Variants in ZAN observed in about 807,000 individuals in gnomAD.
The protein encoded by ZAN is zonadhesin (gene/pseudogene).
ZAN carries 260 observed loss-of-function variants against 286.2 expected under a neutral mutation model. That is an observed-to-expected ratio of 0.91 (90% CI 0.82 to 1.01). The LOEUF is 1.01. Ranked by LOEUF, ZAN falls within the 50% of genes least tolerant of loss-of-function variation. ZAN has a pLI of 0.00. For synonymous variants in ZAN, 1,368 were observed against 1,417.5 expected, an observed-to-expected ratio of 0.97 and a Z score of 0.79; for missense variants, 3,410 against 3,639.2, an observed-to-expected ratio of 0.94 and a Z score of 1.62.
At position 100,751,798 on chromosome 7, in the gene ZAN, A is replaced by G; in HGVS notation, c.1693A>G (p.Ile565Val). 6.2e-7 allele frequency: 1 copy of G among 1,613,286 alleles called. No homozygotes were observed. The stretch of plus-strand genomic sequence containing the variant: ...CACTGGCCTCACAGAAAACCCTACA[A>G]TCTCCACCAAGAAACCTACAGTTTC... ...ETTGLTENPT[I>V]STKKPTVSIE... The change falls in exon 14 of 48, where the codon ATC becomes GTC. Residue 565 changes from isoleucine to valine, a missense_variant. Around this residue, in one of 7 missense-constraint regions of ZAN, gnomAD observed 872 missense variants for 938.9 expected, o/e 0.93. Transcript: ENST00000613979.
rs1325516423 is a variant in ZAN at position 100,775,655 on chromosome 7, GTCC to G, written c.6028-9_6028-7del. 1.2e-5 allele frequency: 19 copies of G among 1,613,652 alleles called. No homozygotes were observed. Among genetic ancestry groups the G allele is most frequent in the East Asian group, 6.7e-5 (3 of 44,856 alleles). On this transcript the variant is annotated splice_polypyrimidine_tract_variant and intron_variant, in intron 32 of 47. Coordinates refer to ENST00000613979, the MANE Select transcript of ZAN (RefSeq NM_003386.3). ...GTCCCTGCTCCTACTCACCGTCACT[GTCC>G]TCCTGTTTAGATCAACAGCAAACAG...
At position 100,753,075 on chromosome 7, in the gene ZAN, C is replaced by T. The variant is rs375465453; in HGVS notation, c.2970C>T (p.Pro990=). The T allele has an allele frequency of 3.7e-6, 6 of 1,613,888 alleles. No homozygotes were observed. The highest frequency in any genetic ancestry group is 3.3e-5 in the South Asian group (3 of 91,094). Residue 990 remains proline (P), a synonymous_variant, in exon 14 of 48, where the codon CCC becomes CCT. Coordinates refer to ENST00000613979, the MANE Select transcript of ZAN (RefSeq NM_003386.3). ...AACCCACCATCCCCACAGAAAAACC[C>T]ACCATTCCCACAGAGAAGCTCACAG... The part of the protein sequence containing the change: ...TEKPTIPTEK[P]TIPTEKLTAL...
Position 100,740,152 on chromosome 7 carries a change from A to C in ZAN, c.766+1539A>C. On this transcript the variant is annotated intron_variant, in intron 7 of 47. Transcript: ENST00000613979. ...CACAGCAAAGAGCCATGTGGCCAGCATGAAGAGGGTGACCTGAGATCCACA... is the reference window on the plus strand; with the variant it reads ...CACAGCAAAGAGCCATGTGGCCAGCCTGAAGAGGGTGACCTGAGATCCACA... 1.4e-5 allele frequency among the ~76,000 whole-genome samples: 2 copies of C among 141,014 alleles called. 1 individual carries two copies. The allele number at this position is 141,014 out of a possible 152,430, so 92.5% of individuals were successfully genotyped here.
intron 34 of ZAN, among the ~76,000 whole-genome samples, chr7:100,777,214 T>C (rs1407903457): frequency 6.7e-6 from 1 of 149,738 alleles, no homozygotes; most frequent in East Asian, 2.0e-4. Flanking sequence ...TGGCTACTTT[T>C]TGTAGTTTTT....
At chr7:100,759,967 T>A (rs1342479688) in intron 18 of ZAN, 122 bp downstream of exon 18, 11 of 1,400,626 alleles carry the variant, frequency 7.9e-6, no homozygotes, top group Non-Finnish European at 9.4e-6. Flanking sequence ...CAATCCCAGC[T>A]CCTTGGGAGG....
intron 8 of ZAN, 33 bp from the exon 9 acceptor site, chr7:100,747,517 G>T: frequency 6.2e-7 from 1 of 1,601,226 alleles, no homozygotes; most frequent in Non-Finnish European, 8.6e-7. Flanking sequence ...GTCCCCTTAA[G>T]CTCACTTCTC....
rs535530460 is a variant in ZAN at position 100,791,961 on chromosome 7, T to C, written c.7530-5T>C. On this transcript the variant is annotated splice_region_variant and splice_polypyrimidine_tract_variant and intron_variant, in intron 40 of 47. Coordinates refer to ENST00000613979, the MANE Select transcript of ZAN (RefSeq NM_003386.3). ...CACCTGACCCCGTGGCTGTCTCTAC[T>C]GCAGGGCTATACCAGCGGAGGAGGA... The C allele has an allele frequency of 1.4e-4, 230 of 1,610,090 alleles. 5 individuals are homozygous for C. In the South Asian group the frequency reaches 2.4e-3, roughly 17 times the overall value.
chr7:100,736,990 C>A lies in ZAN; in HGVS notation c.435C>A (p.Pro145=). 6.7e-7 allele frequency: 1 copy of A among 1,502,638 alleles called. No individual in the cohort carries two copies. The highest frequency in any genetic ancestry group is 9.1e-7 in the Non-Finnish European group (1 of 1,097,716). The allele number at this position is 1,502,638 out of a possible 1,614,324, so 93.1% of individuals were successfully genotyped here. The change falls in exon 5 of 48, where the codon CCC becomes CCA. Residue 145 remains proline, a synonymous_variant. Coordinates refer to ENST00000613979, the MANE Select transcript of ZAN (RefSeq NM_003386.3). ...TCTCGGGTGAAGAGGGCCGCCGCCC[C>A]GATGTGCTCTGGAAACACTGGAACA... is the stretch of plus-strand genomic sequence containing the variant. ...LLLSGEEGRR[P]DVLWKHWNTQ... is the part of the protein sequence containing the mutation.
chr7:100,750,888 C>T lies in ZAN; in HGVS notation c.1513C>T (p.Pro505Ser), dbSNP rs745657229. The change falls in exon 12 of 48, where the codon CCC (proline) becomes TCC (serine). Residue 505 changes from proline to serine, a missense_variant. Pro to Ser is a moderately conservative substitution (Grantham distance 74). This residue lies in a region of ZAN where 872 missense variants were observed against 938.9 expected (regional missense o/e 0.93). Transcript: ENST00000613979. ...SVTVPSGHQQ[P>S]MQLIFKGIQG... ...CACCGTCCCCTCAGGACACCAACAG[C>T]CCATGCAGGTGAGAGACGGAGGCGG... is the stretch of plus-strand genomic sequence containing the variant. 5.2e-6 allele frequency: 8 copies of T among 1,545,718 alleles called. No individual in the cohort carries two copies. The highest frequency in any genetic ancestry group is 7.0e-6 in the Non-Finnish European group (8 of 1,144,332).
chr7:100,764,332 T>C, intron 22 of ZAN, 136 bp downstream of exon 22: 1 of 1,104,982 alleles, frequency 9.0e-7, no homozygotes, highest in South Asian at 1.9e-5. Context: ...CCGTCTCTAC[T>C]AAACATACCA....
In ZAN at chr7:100,746,993, A is replaced by C. The variant is rs2115746597; in HGVS notation, c.931+291A>C. On this transcript the variant is annotated intron_variant, in intron 8 of 47. Coordinates refer to ENST00000613979, the MANE Select transcript of ZAN (RefSeq NM_003386.3). ...CAGCTACACGGGAGGCTGAGGCAGG[A>C]GAATCGCTTGAACCCGGGAGGCGGA... is the stretch of plus-strand genomic sequence containing the variant. 2.0e-5 allele frequency among the ~76,000 whole-genome samples: 3 copies of C among 152,284 alleles called. No homozygotes were observed. The Middle Eastern group carries it at 0.01, about 518-fold the overall frequency.
chr7:100,766,275 CCA>C (rs533339591), intron 23 of ZAN, among the ~76,000 whole-genome samples: 331 of 152,326 alleles, frequency 2.2e-3, no homozygotes, highest in Non-Finnish European at 3.5e-3. Context: ...GCGTGAGCCG[CCA>C]CACCTGGCCT....
chr7:100,745,472 G>C (rs1306679830), intron 7 of ZAN, among the ~76,000 whole-genome samples: 1 of 151,754 alleles, frequency 6.6e-6, no homozygotes, highest in Non-Finnish European at 1.5e-5. Flanking sequence ...CTGATTGGCT[G>C]TCTGAGCTGG....
At chr7:100,758,384 T>C (rs766698566) in intron 16 of ZAN, 41 bp downstream of exon 16, 7 of 1,604,192 alleles carry the variant, frequency 4.4e-6, no homozygotes, top group South Asian at 1.1e-5. Context: ...TGCCAGCCAG[T>C]TGGAGTAGAC....
chr7:100,793,673 G>C (rs1355810878), intron 42 of ZAN, 147 bp from the exon 43 acceptor site: 1 of 777,772 alleles, frequency 1.3e-6, no homozygotes, highest in African/African-American at 1.8e-5. Flanking sequence ...CCTGACTTCA[G>C]GTGATCCACC....
At chr7:100,747,479 C>G in intron 8 of ZAN, 71 bp from the exon 9 acceptor site, 1 of 1,307,308 alleles carries the variant, frequency 7.6e-7, no homozygotes, top group Non-Finnish European at 1.1e-6. Flanking sequence ...TCCTCATCCT[C>G]CTAGGTATAG....
In ZAN at chr7:100,763,715, G is replaced by GT; in HGVS notation, c.3987-90dup. The GT allele has an allele frequency of 7.4e-7, 1 of 1,353,980 alleles. No homozygotes were observed. The highest frequency in any genetic ancestry group is 1.1e-6 in the Non-Finnish European group (1 of 948,586). 83.9% of individuals were successfully genotyped at this position (1,353,980 alleles called of 1,614,324 possible). Reference sequence around the variant, plus strand: ...TCCCAGCTGACAGGCTGGTTTGCCGGTCCCGGCCTGCCAGCCTTGCTGCCT... The same window carrying GT: ...TCCCAGCTGACAGGCTGGTTTGCCGGTTCCCGGCCTGCCAGCCTTGCTGCCT... On this transcript the variant is annotated intron_variant, in intron 20 of 47. Coordinates refer to ENST00000613979, the MANE Select transcript of ZAN (RefSeq NM_003386.3). The surrounding 1 kb of genome is among the most constrained non-coding windows in gnomAD (Gnocchi z 4.6).
At chr7:100,784,519 C>G in intron 35 of ZAN, 104 bp from the exon 36 acceptor site, 1 of 1,165,240 alleles carries the variant, frequency 8.6e-7, no homozygotes, top group Non-Finnish European at 1.2e-6. Flanking sequence ...AAAAAGCTCC[C>G]CAAGCCTTGT....
Position 100,758,246 on chromosome 7 carries a change from C to T in ZAN, c.3354C>T (p.Arg1118=). ...GCCCCAACTGCACAGAACATTGCCG[C>T]TGCTGGCCCGGCAGTCGGGTCGAGT... is the stretch of plus-strand genomic sequence containing the variant. The part of the protein sequence containing the change: ...WFSPNCTEHC[R]CWPGSRVECQ... Residue 1118 remains arginine (R), a synonymous_variant, in exon 16 of 48, where the codon CGC becomes CGT. Transcript: ENST00000613979. The T allele has an allele frequency of 6.2e-7, 1 of 1,613,376 alleles. No individual in the cohort carries two copies.
Sources: allele counts gnomAD v4.1 joint callset (sites outside exome capture counted in the v4.1 genomes callset), GRCh38; gene constraint gnomAD v4.1.1; regional missense constraint gnomAD v4.1.1; non-coding constraint Gnocchi (gnomAD v3.1); transcripts MANE v1.5; gene names NCBI Gene and HGNC (gene_info 2026-07-23, HGNC 2026-07-21).